ABCA13: variants seen among roughly 807,000 people sequenced by gnomAD.
The protein encoded by ABCA13 is ATP binding cassette subfamily A member 13, also known as ATP-binding cassette sub-family A member 13.
Under a neutral mutation model 478.7 loss-of-function variants are expected in ABCA13, and 476 were observed. The observed-to-expected ratio is 0.99, with a 90% CI of 0.92 to 1.07. ABCA13 has a LOEUF of 1.07. Ranked by LOEUF, ABCA13 falls within the 50% of genes least tolerant of loss-of-function variation. The probability of loss-of-function intolerance (pLI) is 0.00; values close to 1 mark genes in which losing one functional copy is unlikely to be tolerated. For synonymous variants in ABCA13, 2,252 were observed against 2,158.9 expected, an observed-to-expected ratio of 1.04 and a Z score of -1.20; for missense variants, 6,060 against 5,910.6, an observed-to-expected ratio of 1.03 and a Z score of -0.83.
At position 48,403,587 on chromosome 7, in the gene ABCA13, G is replaced by A. The variant is rs545955932; in HGVS notation, c.11874-96G>A. The A allele has an allele frequency of 2.4e-5, 30 of 1,257,610 alleles. No individual in the cohort carries two copies. In the African/African-American group the frequency reaches 3.0e-4, roughly 12 times the overall value. 77.9% of individuals were successfully genotyped at this position (1,257,610 alleles called of 1,614,324 possible). A position where few individuals can be genotyped will look rare whatever the true frequency, so the allele number is the denominator to read the frequency against. Reference sequence around the variant, plus strand: ...CTGTGATATATTTGTGGTTTATAACGATTTCAGCCACTGTTAGTCATTATT... The same window carrying A: ...CTGTGATATATTTGTGGTTTATAACAATTTCAGCCACTGTTAGTCATTATT... On this transcript the variant is annotated intron_variant, in intron 38 of 61. Coordinates refer to ENST00000435803, the MANE Select transcript of ABCA13 (RefSeq NM_152701.5).
chr7:48,230,037 G>A, intron 7 of ABCA13, 82 bp downstream of exon 7: 1 of 1,420,594 alleles, frequency 7.0e-7, no homozygotes, highest in Non-Finnish European at 9.4e-7. Flanking sequence ...GAGCTAAAAT[G>A]ATGTTCAAAA....
At chr7:48,634,284 G>T (rs1273316491) in intron 59 of ABCA13, among the ~76,000 whole-genome samples, 2 of 152,134 alleles carry the variant, frequency 1.3e-5, no homozygotes, top group South Asian at 2.1e-4. Context: ...TGATGTCTTT[G>T]GTTTTGGTAT....
At position 48,227,254 on chromosome 7, in the gene ABCA13, C is replaced by G; in HGVS notation, c.469-8C>G. On this transcript the variant is annotated splice_polypyrimidine_tract_variant and splice_region_variant and intron_variant, in intron 5 of 61. Coordinates refer to ENST00000435803, the MANE Select transcript of ABCA13 (RefSeq NM_152701.5). ...GGGAAACTTTTGGTGTATTTTTTTT[C>G]CCATCAGATGGATCTCAATAAGACC... 1 of 1,593,942 alleles carries G rather than the reference C, an allele frequency of 6.3e-7. No individual in the cohort carries two copies. Among genetic ancestry groups the G allele is most frequent in the African/African-American group, 1.4e-5 (1 of 73,926 alleles).
At chr7:48,360,875 A>T (rs574989866) in intron 31 of ABCA13, among the ~76,000 whole-genome samples, 1 of 152,054 alleles carries the variant, frequency 6.6e-6, no homozygotes, top group African/African-American at 2.4e-5. Flanking sequence ...AGGGATTGTT[A>T]TGACCGTATT....
intron 55 of ABCA13, among the ~76,000 whole-genome samples, chr7:48,542,649 A>T (rs1403951074): frequency 2.0e-5 from 3 of 151,648 alleles, no homozygotes; most frequent in Non-Finnish European, 4.4e-5. Context: ...CTATATGTTA[A>T]AATGTAGATG....
Position 48,333,928 on chromosome 7 carries a change from A to G in ABCA13, c.10000-1494A>G, listed in dbSNP as rs564622333. Among the ~76,000 whole-genome samples, 6 of 152,298 alleles carry G rather than the reference A, an allele frequency of 3.9e-5. 1 individual carries two copies. In the South Asian group the frequency reaches 1.2e-3, roughly 32 times the overall value. On this transcript the variant is annotated intron_variant, in intron 27 of 61. Coordinates refer to ENST00000435803, the MANE Select transcript of ABCA13 (RefSeq NM_152701.5). ...TGCTTGTTGTGGTTCCTCTACCCTC[A>G]GGGGAAGAACAACCATTTGCCTGGC... is the stretch of plus-strand genomic sequence containing the variant.
chr7:48,539,309 C>G (rs1186456419), intron 55 of ABCA13, among the ~76,000 whole-genome samples: 2 of 149,088 alleles, frequency 1.3e-5, no homozygotes, highest in Non-Finnish European at 3.0e-5. Context: ...AATAGCTGGT[C>G]TTTAGTCTTT....
chr7:48,461,690 TTG>T, intron 43 of ABCA13, among the ~76,000 whole-genome samples: 1 of 152,190 alleles, frequency 6.6e-6, no homozygotes, highest in South Asian at 2.1e-4. Flanking sequence ...ATTCAGTAAT[TTG>T]TGAATTGCTG....
chr7:48,594,910 A>G lies in ABCA13; in HGVS notation c.14744+97A>G, dbSNP rs1790129059. On this transcript the variant is annotated intron_variant, in intron 58 of 61. Transcript: ENST00000435803. ...TACCTGCACAGTGTTACACATGGAC[A>G]TTTCTTAATCTTTACAACACAATAA... 8 of 977,060 alleles carry G rather than the reference A, an allele frequency of 8.2e-6. No individual in the cohort carries two copies. In the South Asian group the frequency reaches 1.1e-4, roughly 13 times the overall value. 60.5% of individuals were successfully genotyped at this position (977,060 alleles called of 1,614,324 possible).
In ABCA13 at chr7:48,506,495, A is replaced by G. The variant is rs576418723; in HGVS notation, c.13346+105A>G. 34 of 1,294,014 alleles carry G rather than the reference A, an allele frequency of 2.6e-5. No homozygotes were observed. In the East Asian group the frequency reaches 7.5e-4, roughly 28 times the overall value. 80.2% of individuals were successfully genotyped at this position (1,294,014 alleles called of 1,614,324 possible). On this transcript the variant is annotated intron_variant, in intron 49 of 61. Transcript: ENST00000435803. ...CTCTCTTTTGCATTTGCCCCAAGAG[A>G]TGGCTTATAGAGTTAGCAGGAAATG...
rs1218783195 is a variant in ABCA13, at chr7:48,389,226, T to C, written c.11654+6T>C. The C allele has an allele frequency of 6.2e-7, 1 of 1,611,962 alleles. No homozygotes were observed. The highest frequency in any genetic ancestry group is 8.5e-7 in the Non-Finnish European group (1 of 1,178,938). On this transcript the variant is annotated splice_donor_region_variant and intron_variant, in intron 37 of 61. Transcript: ENST00000435803. Reference sequence around the variant, plus strand: ...GCCGGGAAAACCACTATCATGTGGGTCCCATTTTACCCTTATCAAACACTG... The same window carrying C: ...GCCGGGAAAACCACTATCATGTGGGCCCCATTTTACCCTTATCAAACACTG...
At chr7:48,570,824 T>A (rs1229788500) in intron 55 of ABCA13, among the ~76,000 whole-genome samples, 1 of 152,160 alleles carries the variant, frequency 6.6e-6, no homozygotes, top group Non-Finnish European at 1.5e-5. Flanking sequence ...GTAAAATTGG[T>A]TTCCACCATT....
intron 24 of ABCA13, among the ~76,000 whole-genome samples, chr7:48,311,981 C>CT (rs1165097335): frequency 5.9e-5 from 9 of 152,036 alleles, no homozygotes; most frequent in East Asian, 1.9e-4. Flanking sequence ...CTGTGTGCCA[C>CT]TTTTTTTTAA....
chr7:48,481,175 G>T, intron 46 of ABCA13, 21 bp downstream of exon 46: 1 of 1,512,094 alleles, frequency 6.6e-7, no homozygotes, highest in Non-Finnish European at 9.0e-7. Flanking sequence ...TACTCTTGTT[G>T]GGTCTTTACT....
In ABCA13 at chr7:48,520,208, C is replaced by T. The variant is rs1294583826; in HGVS notation, c.13965C>T (p.Gly4655=). ...GTCCCTTTGAGATGAACTTTCTGGG[C>T]TGGATCTTCGTGCAACTGGCCTCGC... is the stretch of plus-strand genomic sequence containing the variant. The part of the protein sequence containing the change: ...YVSPFEMNFL[G]WIFVQLASQG... Residue 4655 remains glycine (G), a synonymous_variant, in exon 53 of 62, where the codon GGC becomes GGT. Transcript: ENST00000435803. 1.2e-6 allele frequency: 2 copies of T among 1,613,694 alleles called. No individual in the cohort carries two copies. The highest frequency in any genetic ancestry group is 1.7e-6 in the Non-Finnish European group (2 of 1,179,780).
intron 42 of ABCA13, among the ~76,000 whole-genome samples, chr7:48,436,301 A>T (rs1041067443): frequency 6.6e-6 from 1 of 151,740 alleles, no homozygotes; most frequent in Non-Finnish European, 1.5e-5. Flanking sequence ...TAGGTCATCA[A>T]ATATGTTGGT....
chr7:48,188,795 C>T (rs1432858827), intron 1 of ABCA13, among the ~76,000 whole-genome samples: 1 of 152,074 alleles, frequency 6.6e-6, no homozygotes, highest in Non-Finnish European at 1.5e-5. Flanking sequence ...CTCAGCTGTG[C>T]TGATGGAAAC....
chr7:48,264,846 C>T (rs13244649), intron 15 of ABCA13, among the ~76,000 whole-genome samples: 1 of 151,270 alleles, frequency 6.6e-6, no homozygotes, highest in Non-Finnish European at 1.5e-5. Flanking sequence ...AGCTAAGAAA[C>T]CTTTGCTAAC....
At chr7:48,354,943 T>C (rs1584981547) in intron 31 of ABCA13, among the ~76,000 whole-genome samples, 1 of 152,078 alleles carries the variant, frequency 6.6e-6, no homozygotes, top group South Asian at 2.1e-4. Flanking sequence ...GAGCTACATA[T>C]TCATTAATTT....
Sources: allele counts gnomAD v4.1 joint callset (sites outside exome capture counted in the v4.1 genomes callset), GRCh38; gene constraint gnomAD v4.1.1; transcripts MANE v1.5; gene names NCBI Gene and HGNC (gene_info 2026-07-23, HGNC 2026-07-21).